The following COMMD7 variants were observed in gnomAD, a reference collection of about 807,000 sequenced individuals.
COMMD7 encodes the protein COMM domain-containing protein 7.
COMMD7 carries 28 observed loss-of-function variants against 34.8 expected under a neutral mutation model. That is an observed-to-expected ratio of 0.80 (90% CI 0.60 to 1.10). The LOEUF is 1.10. Among genes scored for constraint, COMMD7 ranks in the 50% least tolerant of loss-of-function variants. The probability of loss-of-function intolerance (pLI) is 0.00; values close to 1 mark genes in which losing one functional copy is unlikely to be tolerated. For missense variants in COMMD7, 211 were observed against 241.6 expected, an observed-to-expected ratio of 0.87 and a Z score of 0.84; for synonymous variants, 80 against 86.4, an observed-to-expected ratio of 0.93 and a Z score of 0.41.
rs545747156 is a variant in COMMD7 at position 32,739,748 on chromosome 20, T to G, written c.84+3560A>C. Among the ~76,000 whole-genome samples the G allele has an allele frequency of 1.3e-4, 18 of 139,544 alleles. 4 individuals carry two copies. The highest frequency in any genetic ancestry group is 4.9e-4 in the African/African-American group (18 of 36,806). 91.5% of individuals were successfully genotyped at this position (139,544 alleles called of 152,430 possible). A position where few individuals can be genotyped will look rare whatever the true frequency, so the allele number is the denominator to read the frequency against. The stretch of plus-strand genomic sequence containing the variant: ...AAAGGGCTAATCTGACCAGGGGTGG[T>G]GGCTCACTCCTGTAATCCCAGCACT... On this transcript the variant is annotated intron_variant, in intron 1 of 8. Coordinates refer to ENST00000278980, the MANE Select transcript of COMMD7 (RefSeq NM_053041.3).
intron 3 of COMMD7, among the ~76,000 whole-genome samples, chr20:32,716,923 A>T (rs1238180195): frequency 1.3e-5 from 2 of 151,482 alleles, no homozygotes; most frequent in African/African-American, 4.9e-5. Context: ...CAGTGTCAGG[A>T]ACTCTGCTCC....
In COMMD7 at chr20:32,725,589, C is replaced by T. The variant is rs533902312; in HGVS notation, c.241+2304G>A. 8.6e-5 allele frequency among the ~76,000 whole-genome samples: 13 copies of T among 152,044 alleles called. No individual in the cohort carries two copies. In the East Asian group the frequency reaches 1.5e-3, roughly 18 times the overall value. ...GACTACAGGTGCCAGCCACCACACC[C>T]GGCTAATTTTTTGTATTTTTAGTAG... On this transcript the variant is annotated intron_variant, in intron 3 of 8. Coordinates refer to ENST00000278980, the MANE Select transcript of COMMD7 (RefSeq NM_053041.3).
At chr20:32,736,486 C>T (rs552749184) in intron 1 of COMMD7, among the ~76,000 whole-genome samples, 12 of 151,292 alleles carry the variant, frequency 7.9e-5, no homozygotes, top group African/African-American at 1.9e-4. Flanking sequence ...CTGGCTAACA[C>T]GGTGAAACCC....
intron 3 of COMMD7, among the ~76,000 whole-genome samples, chr20:32,720,704 G>C (rs1447349061): frequency 1.3e-5 from 2 of 152,162 alleles, no homozygotes; most frequent in Non-Finnish European, 2.9e-5. Context: ...TACTCAGGAG[G>C]CTGAAGCAGA....
At chr20:32,739,401 T>C (rs1297332153) in intron 1 of COMMD7, among the ~76,000 whole-genome samples, 1 of 152,094 alleles carries the variant, frequency 6.6e-6, no homozygotes, top group Non-Finnish European at 1.5e-5. Flanking sequence ...ATCCCAGCAC[T>C]TTGGGAGGCT....
At chr20:32,734,709 C>G (rs773883602) in intron 1 of COMMD7, among the ~76,000 whole-genome samples, 52 of 152,182 alleles carry the variant, frequency 3.4e-4, no homozygotes, top group Middle Eastern at 6.8e-3. Context: ...TGGCAGATCA[C>G]CTAAGGTCAG....
intron 1 of COMMD7, among the ~76,000 whole-genome samples, chr20:32,730,573 C>CAAT (rs1985780118): frequency 6.6e-6 from 1 of 151,588 alleles, no homozygotes; most frequent in Non-Finnish European, 1.5e-5. Context: ...ACAACAACAA[C>CAAT]AACAACAACA....
Position 32,706,738 on chromosome 20 carries a change from T to C in COMMD7, c.264A>G (p.Thr88=). 1 of 1,613,928 alleles carries C rather than the reference T, an allele frequency of 6.2e-7. No individual in the cohort carries two copies. The highest frequency in any genetic ancestry group is 8.5e-7 in the Non-Finnish European group (1 of 1,179,980). The stretch of plus-strand genomic sequence containing the variant: ...TGAAATCCGCCTGGACCTGCTTGGC[T>C]GTGAGACTCTTCTTCAAAGCACCTG... ...VPNGALKKSL[T]AKQVQADFIT... Residue 88 remains threonine (T), a synonymous_variant, in exon 4 of 9, where the codon ACA becomes ACG. Coordinates refer to ENST00000278980, the MANE Select transcript of COMMD7 (RefSeq NM_053041.3).
At chr20:32,709,240 G>A (rs981473874) in intron 3 of COMMD7, among the ~76,000 whole-genome samples, 2 of 152,066 alleles carry the variant, frequency 1.3e-5, no homozygotes, top group African/African-American at 4.8e-5. Context: ...TTCGAGACCA[G>A]CCTGGCCAAC....
chr20:32,707,292 A>T (rs779827666), intron 3 of COMMD7, among the ~76,000 whole-genome samples: 20,936 of 91,968 alleles, frequency 0.23, 2,290 homozygotes, highest in Middle Eastern at 0.46. Context: ...TCAAAAAAAA[A>T]AAATATATAT....
At chr20:32,736,493 ACC>A (rs1419592147) in intron 1 of COMMD7, among the ~76,000 whole-genome samples, 1 of 151,656 alleles carries the variant, frequency 6.6e-6, no homozygotes, top group Admixed American at 6.6e-5. Flanking sequence ...ACACGGTGAA[ACC>A]CCGTCTCTAC....
chr20:32,730,381 C>T (rs940384690), intron 1 of COMMD7, among the ~76,000 whole-genome samples: 2 of 151,760 alleles, frequency 1.3e-5, no homozygotes, highest in African/African-American at 4.8e-5. Flanking sequence ...ATGGTGAAAC[C>T]CCGTCTCTAC....
At chr20:32,703,618 T>G in intron 8 of COMMD7, 160 bp from the exon 9 acceptor site, 1 of 1,440,606 alleles carries the variant, frequency 6.9e-7, no homozygotes. Flanking sequence ...CTGAGAGACT[T>G]GAATGCAGAA....
At chr20:32,727,612 A>T (rs1032811292) in intron 3 of COMMD7, among the ~76,000 whole-genome samples, 1 of 151,998 alleles carries the variant, frequency 6.6e-6, no homozygotes, top group African/African-American at 2.4e-5. Context: ...GCTTATTCTC[A>T]ATTTCTGTCC....
intron 3 of COMMD7, among the ~76,000 whole-genome samples, chr20:32,718,659 A>G (rs1243313807): frequency 6.6e-6 from 1 of 152,126 alleles, no homozygotes; most frequent in Non-Finnish European, 1.5e-5. Context: ...AGACTGTGCC[A>G]TTGCACTCCA....
intron 3 of COMMD7, among the ~76,000 whole-genome samples, chr20:32,714,856 A>ACAACAACAAC (rs1555823789): frequency 6.7e-6 from 1 of 150,026 alleles, no homozygotes; most frequent in Non-Finnish European, 1.5e-5. Flanking sequence ...AACAACAACA[A>ACAACAACAAC]AAATTAGCCA....
chr20:32,731,213 GAGGCTGAGGC>G (rs1336934598), intron 1 of COMMD7, among the ~76,000 whole-genome samples: 4 of 152,162 alleles, frequency 2.6e-5, no homozygotes, highest in Admixed American at 6.6e-5. Context: ...AGCTACTCAG[GAGGCTGAGGC>G]AGGAGGATTG....
chr20:32,728,966 A>G (rs1416373858), intron 1 of COMMD7, among the ~76,000 whole-genome samples: 1 of 152,094 alleles, frequency 6.6e-6, no homozygotes, highest in Non-Finnish European at 1.5e-5. Context: ...AGACTCTTAC[A>G]GTTTTGTGTG....
rs56381432 is a variant in COMMD7, at chr20:32,725,431, G to GTTTTT, written c.241+2457_241+2461dup. Among the ~76,000 whole-genome samples, 12 of 129,948 alleles carry GTTTTT rather than the reference G, an allele frequency of 9.2e-5. 1 individual carries two copies. Among genetic ancestry groups the GTTTTT allele is most frequent in the South Asian group, 2.4e-4 (1 of 4,142 alleles). 85.3% of individuals were successfully genotyped at this position (129,948 alleles called of 152,430 possible). A position where few individuals can be genotyped will look rare whatever the true frequency, so the allele number is the denominator to read the frequency against. ...TCTCTATAGCTCTATACTGTGTTTT[G>GTTTTT]TTTTTTTTTTTTTTTGAGACGGAGT... On this transcript the variant is annotated intron_variant, in intron 3 of 8. Transcript: ENST00000278980.
Sources: gnomAD v4.1 joint callset for allele counts (sites outside exome capture counted in the v4.1 genomes callset) on GRCh38, gnomAD v4.1.1 for gene constraint, MANE v1.5 for transcripts, NCBI Gene and HGNC (gene_info 2026-07-23, HGNC 2026-07-21) for gene names.